CLCN2: variants seen among roughly 807,000 people sequenced by gnomAD.
CLCN2 encodes the protein chloride voltage-gated channel 2.
Under a neutral mutation model 108.3 loss-of-function variants are expected in CLCN2, and 72 were observed. The observed-to-expected ratio is 0.66, with a 90% CI of 0.55 to 0.81. CLCN2 has a LOEUF of 0.81. Among genes scored for constraint, CLCN2 ranks in the 30% least tolerant of loss-of-function variants. CLCN2 has a pLI of 0.00. For synonymous variants in CLCN2, 471 were observed against 467.1 expected, an observed-to-expected ratio of 1.01 and a Z score of -0.11; for missense variants, 1,048 against 1,205.2, an observed-to-expected ratio of 0.87 and a Z score of 1.93.
intron 3 of CLCN2, 74 bp downstream of exon 3, chr3:184,358,608 C>T: frequency 4.5e-6 from 7 of 1,540,800 alleles, no homozygotes; most frequent in Non-Finnish European, 6.1e-6. Flanking sequence ...ACGCCTTCCT[C>T]CATGTCTAGA....
Position 184,347,061 on chromosome 3 carries a change from A to T in CLCN2, c.2416-40T>A, listed in dbSNP as rs980676277. 9 of 1,556,140 alleles carry T rather than the reference A, an allele frequency of 5.8e-6. No homozygotes were observed. In the African/African-American group the frequency reaches 1.2e-4, roughly 21 times the overall value. On this transcript the variant is annotated intron_variant, in intron 22 of 23. Coordinates refer to ENST00000265593, the MANE Select transcript of CLCN2 (RefSeq NM_004366.6). ...GAAAAGCGATTGGACTTGATGGACG[A>T]GGGGCAGCTCTAAATGACAGGCCAC...
At position 184,354,526 on chromosome 3, in the gene CLCN2, C is replaced by G. The variant is rs972503277; in HGVS notation, c.1507+22G>C. 4 of 1,597,470 alleles carry G rather than the reference C, an allele frequency of 2.5e-6. No individual in the cohort carries two copies. In the East Asian group the frequency reaches 6.7e-5, roughly 27 times the overall value. On this transcript the variant is annotated intron_variant, in intron 14 of 23. Coordinates refer to ENST00000265593, the MANE Select transcript of CLCN2 (RefSeq NM_004366.6). ...CGTGGGTGGGGGGGTCTCCCAAGGC[C>G]GATGGGACCTGAGGCACTCACCGAC...
chr3:184,353,491 T>G, intron 16 of CLCN2, 69 bp from the exon 17 acceptor site: 1 of 1,550,944 alleles, frequency 6.4e-7, no homozygotes, highest in Non-Finnish European at 8.7e-7. Flanking sequence ...TCTCTCACAC[T>G]CAGAGTGGGG....
intron 3 of CLCN2, 29 bp downstream of exon 3, chr3:184,358,653 G>A (rs1711585947): frequency 6.4e-7 from 1 of 1,557,512 alleles, no homozygotes; most frequent in Non-Finnish European, 8.7e-7. Flanking sequence ...TTTATTCCCA[G>A]TCCTCCCCCT....
At chr3:184,353,957 G>A in intron 15 of CLCN2, 144 bp downstream of exon 15, 1 of 1,338,752 alleles carries the variant, frequency 7.5e-7, no homozygotes, top group Non-Finnish European at 1.0e-6. Flanking sequence ...GCAGGGGCCA[G>A]CTACAGCCCC....
In CLCN2 at chr3:184,355,953, G is replaced by A; in HGVS notation, c.1086-175C>T. ...GCCCCAAGGCTGATGGTGGACTGGG[G>A]TTATTCTAAGAGCAGGGGTCTGACC... is the stretch of plus-strand genomic sequence containing the variant. On this transcript the variant is annotated intron_variant, in intron 10 of 23. Transcript: ENST00000265593. The surrounding 1 kb of genome is among the most constrained non-coding windows in gnomAD (Gnocchi z 6.3). The A allele has an allele frequency of 1.5e-6, 1 of 648,654 alleles. No individual in the cohort carries two copies. Among genetic ancestry groups the A allele is most frequent in the African/African-American group, 1.8e-5 (1 of 55,622 alleles). 40.2% of individuals were successfully genotyped at this position (648,654 alleles called of 1,614,324 possible). A position where few individuals can be genotyped will look rare whatever the true frequency, so the allele number is the denominator to read the frequency against.
rs144759182 is a variant in CLCN2 at position 184,352,788 on chromosome 3, G to A, written c.2166C>T (p.Ile722=). 1.9e-5 allele frequency: 30 copies of A among 1,613,068 alleles called. No homozygotes were observed. The highest frequency in any genetic ancestry group is 2.7e-5 in the African/African-American group (2 of 74,956). The change falls in exon 19 of 24, where the codon ATC becomes ATT. Residue 722 remains isoleucine, a synonymous_variant. Coordinates refer to ENST00000265593, the MANE Select transcript of CLCN2 (RefSeq NM_004366.6). The stretch of plus-strand genomic sequence containing the variant: ...TGCCACAGAAGAGGCTCCGGAGGGC[G>A]ATGCCTGCCGACTCTGCGCTCCCTG... The part of the protein sequence containing the change: ...SPTGSAESAG[I]ALRSLFCGSP...
chr3:184,361,308 A>G lies in CLCN2; in HGVS notation c.63+109T>C. On this transcript the variant is annotated intron_variant, in intron 1 of 23. Coordinates refer to ENST00000265593, the MANE Select transcript of CLCN2 (RefSeq NM_004366.6). This position sits in a 1 kb window ranked among gnomAD's most constrained non-coding sequence, Gnocchi z 6.6. ...TTCCAAGCCTCAGTTTCCCCAGCTCAAAATGCTAGGACAGGATTAGGGTAG... is the reference window on the plus strand; with the variant it reads ...TTCCAAGCCTCAGTTTCCCCAGCTCGAAATGCTAGGACAGGATTAGGGTAG... The G allele has an allele frequency of 8.3e-7, 1 of 1,198,526 alleles. No homozygotes were observed. Among genetic ancestry groups the G allele is most frequent in the East Asian group, 2.3e-5 (1 of 42,798 alleles). The allele number at this position is 1,198,526 out of a possible 1,614,324, so 74.2% of individuals were successfully genotyped here. A position where few individuals can be genotyped will look rare whatever the true frequency, so the allele number is the denominator to read the frequency against.
chr3:184,361,590 G>T lies in CLCN2; in HGVS notation c.-111C>A. 8.6e-7 allele frequency: 1 copy of T among 1,163,954 alleles called. No individual in the cohort carries two copies. The allele number at this position is 1,163,954 out of a possible 1,614,324, so 72.1% of individuals were successfully genotyped here. A position where few individuals can be genotyped will look rare whatever the true frequency, so the allele number is the denominator to read the frequency against. On this transcript the variant is annotated 5_prime_UTR_variant, in exon 1 of 24. Transcript: ENST00000265593. The surrounding 1 kb of genome is among the most constrained non-coding windows in gnomAD (Gnocchi z 6.6). ...CCGTCCCGTCCCCGCAGCCCGGGAGGCCGAGAGCAGAGTGCGGCGGGCCCC... is the reference window on the plus strand; with the variant it reads ...CCGTCCCGTCCCCGCAGCCCGGGAGTCCGAGAGCAGAGTGCGGCGGGCCCC...
In CLCN2 at chr3:184,346,964, T is replaced by C; in HGVS notation, c.2473A>G (p.Arg825Gly). 3 of 1,614,106 alleles carry C rather than the reference T, an allele frequency of 1.9e-6. No individual in the cohort carries two copies. The highest frequency in any genetic ancestry group is 2.5e-6 in the Non-Finnish European group (3 of 1,179,962). The change falls in exon 23 of 24, where the codon AGA (arginine) becomes GGA (glycine). Residue 825 changes from arginine (R) to glycine (G), a missense_variant. Physicochemically the swap from Arg to Gly is moderately radical, Grantham distance 125 (BLOSUM62 -2). Transcript: ENST00000265593. This position sits in a 1 kb window ranked among gnomAD's most constrained non-coding sequence, Gnocchi z 6.0. The stretch of plus-strand genomic sequence containing the variant: ...TTTAGAGTAACGATTCCAATGAGTC[T>C]GCCAATACTGGTGACATAAGCATGG... ...VDHAYVTSIGRLIGIVTLKEL... is the reference protein window; with the variant it reads ...VDHAYVTSIGGLIGIVTLKEL...
rs772068566 is a variant in CLCN2 at position 184,353,109 on chromosome 3, C to T, written c.2067G>A (p.Gly689=). ...CAGGCTTTAGGGGCTTGTGGGTCTC[C>T]CCCCGGGCTGCTGGGAAGGCTGAGT... The part of the protein sequence containing the change: ...TEDSAFPAAR[G]ETHKPLKPAL... Residue 689 remains glycine, a synonymous_variant, in exon 18 of 24, where the codon GGG becomes GGA. Coordinates refer to ENST00000265593, the MANE Select transcript of CLCN2 (RefSeq NM_004366.6). 6.2e-6 allele frequency: 10 copies of T among 1,614,156 alleles called. No individual in the cohort carries two copies. The highest frequency in any genetic ancestry group is 2.2e-5 in the East Asian group (1 of 44,866).
chr3:184,359,296 C>A (rs1004348480), intron 1 of CLCN2, among the ~76,000 whole-genome samples, 165 bp from the exon 2 acceptor site: 1 of 152,226 alleles, frequency 6.6e-6, no homozygotes, highest in East Asian at 1.9e-4. Context: ...ATGCACATTG[C>A]AGACTGTGGA....
intron 18 of CLCN2, 37 bp downstream of exon 18, chr3:184,352,996 G>T: frequency 6.3e-7 from 1 of 1,589,322 alleles, no homozygotes; most frequent in Non-Finnish European, 8.6e-7. Flanking sequence ...TCAGTAGCTT[G>T]GCTGAGGCTC....
intron 16 of CLCN2, 102 bp downstream of exon 16, chr3:184,353,560 T>C: frequency 2.5e-6 from 4 of 1,569,104 alleles, no homozygotes; most frequent in Non-Finnish European, 3.5e-6. Context: ...TGCTGGTCCA[T>C]TCCCTTTGGA....
In CLCN2 at chr3:184,358,039, G is replaced by A. The variant is rs1420234489; in HGVS notation, c.538C>T (p.Leu180Phe). The stretch of plus-strand genomic sequence containing the variant: ...TTAGCTATAAAGGTCTTGAGTGTGA[G>A]GTATTCTTTCAGCACCACTCCCCGC... ...ILRGVVLKEY[L>F]TLKTFIAKVI... Residue 180 changes from leucine (L) to phenylalanine (F), a missense_variant, in exon 5 of 24, where the codon CTC becomes TTC. Physicochemically the swap from Leu to Phe is conservative, Grantham distance 22. Transcript: ENST00000265593. 8 of 1,614,116 alleles carry A rather than the reference G, an allele frequency of 5.0e-6. No homozygotes were observed. Among genetic ancestry groups the A allele is most frequent in the Non-Finnish European group, 6.8e-6 (8 of 1,180,034 alleles).
chr3:184,354,190 G>C lies in CLCN2; in HGVS notation c.1632C>G (p.Val544=), dbSNP rs756767463. 6.2e-7 allele frequency: 1 copy of C among 1,613,382 alleles called. No homozygotes were observed. The highest frequency in any genetic ancestry group is 1.7e-5 in the Admixed American group (1 of 59,964). The change falls in exon 15 of 24, where the codon GTC becomes GTG. Residue 544 remains valine, a synonymous_variant. Coordinates refer to ENST00000265593, the MANE Select transcript of CLCN2 (RefSeq NM_004366.6). ...AGAGGGAGGGCTGCAGACTCTGGGC[G>C]ACAGCGTTGGCCAGGATGACGGCGA... The part of the protein sequence containing the change: ...VMIAVILANA[V]AQSLQPSLYD...
chr3:184,346,704 T>G lies in CLCN2; in HGVS notation c.2599A>C (p.Thr867Pro), dbSNP rs1188172322. The stretch of plus-strand genomic sequence containing the variant: ...AGTGCATGCACCTCAGTGGTCTCCG[T>G]GTCACTGCTGCTGGTGGCACTGTCT... ...FRDSATSSSD[T>P]ETTEVHALWG... The change falls in exon 24 of 24, where the codon ACG becomes CCG. Residue 867 changes from threonine to proline, a missense_variant. Physicochemically the swap from Thr to Pro is conservative, Grantham distance 38. Coordinates refer to ENST00000265593, the MANE Select transcript of CLCN2 (RefSeq NM_004366.6). This position sits in a 1 kb window ranked among gnomAD's most constrained non-coding sequence, Gnocchi z 6.0. The G allele has an allele frequency of 6.2e-7, 1 of 1,614,100 alleles. No individual in the cohort carries two copies. Among genetic ancestry groups the G allele is most frequent in the Admixed American group, 1.7e-5 (1 of 60,022 alleles).
chr3:184,352,410 C>T (rs747939250), intron 20 of CLCN2, 33 bp downstream of exon 20: 21 of 1,612,686 alleles, frequency 1.3e-5, no homozygotes, highest in Admixed American at 1.2e-4. Flanking sequence ...CTGCCCGGTG[C>T]CGCCGAGATG....
In CLCN2 at chr3:184,353,427, AC is replaced by A. The variant is rs755119379; in HGVS notation, c.1856-6del. On this transcript the variant is annotated splice_polypyrimidine_tract_variant and splice_region_variant and intron_variant, in intron 16 of 23. Transcript: ENST00000265593. ...AGCCCAGCAGAATCATGGACTCTGGACAGAACAGGTGGAAGGACTCAGGAGC... is the reference window on the plus strand; with the variant it reads ...AGCCCAGCAGAATCATGGACTCTGGAAGAACAGGTGGAAGGACTCAGGAGC... 5 of 1,603,470 alleles carry A rather than the reference AC, an allele frequency of 3.1e-6. No homozygotes were observed. In the Admixed American group the frequency reaches 8.6e-5, roughly 28 times the overall value.
Sources: gnomAD v4.1 joint callset for allele counts (sites outside exome capture counted in the v4.1 genomes callset) on GRCh38, gnomAD v4.1.1 for gene constraint, Gnocchi (gnomAD v3.1) non-coding constraint, MANE v1.5 for transcripts, NCBI Gene and HGNC (gene_info 2026-07-23, HGNC 2026-07-21) for gene names.